ALS2: variants seen among roughly 807,000 people sequenced by gnomAD.
ALS2 encodes the protein alsin Rho guanine nucleotide exchange factor ALS2.
Under a neutral mutation model 203.4 loss-of-function variants are expected in ALS2, and 117 were observed. That is an observed-to-expected ratio of 0.58 (90% CI 0.50 to 0.67). ALS2 has a LOEUF of 0.67. Among genes scored for constraint, ALS2 ranks in the 30% least tolerant of loss-of-function variants. The pLI is 0.00. For synonymous variants in ALS2, 718 were observed against 725.9 expected, an observed-to-expected ratio of 0.99 and a Z score of 0.17; for missense variants, 1,715 against 1,989.4, an observed-to-expected ratio of 0.86 and a Z score of 2.62.
At position 201,727,795 on chromosome 2, in the gene ALS2, G is replaced by C. The variant is rs189282198; in HGVS notation, c.2842-20C>G. Reference sequence around the variant, plus strand: ...GGAGAACTGAAACAGAGAACACGGAGGCACTTTTATGAAAGCCCATGTAGA... The same window carrying C: ...GGAGAACTGAAACAGAGAACACGGACGCACTTTTATGAAAGCCCATGTAGA... On this transcript the variant is annotated intron_variant, in intron 15 of 33. Transcript: ENST00000264276. 1 of 1,551,050 alleles carries C rather than the reference G, an allele frequency of 6.4e-7. No homozygotes were observed. Among genetic ancestry groups the C allele is most frequent in the Admixed American group, 2.0e-5 (1 of 50,988 alleles).
intron 8 of ALS2, among the ~76,000 whole-genome samples, chr2:201,747,712 G>A (rs1692763011): frequency 6.6e-6 from 1 of 152,138 alleles, no homozygotes; most frequent in Admixed American, 6.5e-5. Context: ...GCCTCCCAAA[G>A]TGCTGGGATT....
intron 3 of ALS2, among the ~76,000 whole-genome samples, chr2:201,764,634 A>AAAATAAATAAATAAAT (rs201734315): frequency 1.8e-4 from 25 of 142,250 alleles, no homozygotes; most frequent in Non-Finnish European, 2.7e-4. Context: ...ACTCCGTCTC[A>AAAATAAATAAATAAAT]AAATAAATAA....
intron 4 of ALS2, chr2:201,760,598 GA>G: frequency 1.1e-5 from 13 of 1,215,550 alleles, no homozygotes; most frequent in East Asian, 3.9e-5. Context: ...TTTAGCCATA[GA>G]AAAAAAGTAC....
chr2:201,704,507 C>G lies in ALS2; in HGVS notation c.4785G>C (p.Leu1595Phe), dbSNP rs760849143. The change falls in exon 32 of 34, where the codon TTG (leucine) becomes TTC (phenylalanine). Residue 1595 changes from leucine to phenylalanine, a missense_variant. Around this residue, in one of 3 missense-constraint regions of ALS2, gnomAD observed 1,227 missense variants for 1,413.5 expected, o/e 0.87. Transcript: ENST00000264276. Reference protein sequence around the residue: ...SVLASLHEDFLWSMDDLFPVF... With the variant: ...SVLASLHEDFFWSMDDLFPVF... ...CAGGAAACAAGTCATCCATGGACCA[C>G]AAGAAGTCTTCGTGGAGTGACGCCA... 3 of 1,614,030 alleles carry G rather than the reference C, an allele frequency of 1.9e-6. No individual in the cohort carries two copies. The African/African-American group carries it at 4.0e-5, about 22-fold the overall frequency.
Position 201,710,013 on chromosome 2 carries a change from A to AAG in ALS2, c.4147_4148insCT (p.Leu1383ProfsTer15). On this transcript the variant is annotated frameshift_variant, in exon 27 of 34. Transcript: ENST00000264276. LOFTEE classifies it high-confidence loss of function. ...AACCAGTGTCTCCACAAGCCTGCCC[A>AAG]GGGGGTGCAGAGGAGTGTCACAGGC... 1 of 1,613,874 alleles carries AAG rather than the reference A, an allele frequency of 6.2e-7. No individual in the cohort carries two copies. The highest frequency in any genetic ancestry group is 2.2e-5 in the East Asian group (1 of 44,886).
chr2:201,708,186 C>T lies in ALS2; in HGVS notation c.4281-195G>A, dbSNP rs1218507107. Among the ~76,000 whole-genome samples the T allele has an allele frequency of 3.3e-5, 5 of 152,040 alleles. No individual in the cohort carries two copies. In the East Asian group the frequency reaches 5.8e-4, roughly 18 times the overall value. On this transcript the variant is annotated intron_variant, in intron 27 of 33. Transcript: ENST00000264276. ...GAATAATACCACTACAAAATCTTCA[C>T]GTGCTATGATTTTCTCCTGTCTAGT...
At chr2:201,729,384 A>G (rs998227812) in intron 13 of ALS2, among the ~76,000 whole-genome samples, 2 of 152,144 alleles carry the variant, frequency 1.3e-5, no homozygotes, top group Non-Finnish European at 2.9e-5. Flanking sequence ...TACATATGAA[A>G]TAGGGGCATA....
At position 201,723,066 on chromosome 2, in the gene ALS2, C is replaced by G; in HGVS notation, c.3679G>C (p.Asp1227His). The G allele has an allele frequency of 6.2e-7, 1 of 1,613,060 alleles. No individual in the cohort carries two copies. ...ACCTTTCCACTAAGAGTCCAGTCATCTGAAAATTCTCCTTCATAGATAGTA... is the reference window on the plus strand; with the variant it reads ...ACCTTTCCACTAAGAGTCCAGTCATGTGAAAATTCTCCTTCATAGATAGTA... The part of the protein sequence containing the change: ...DDTIYEGEFS[D>H]DWTLSGKGTL... The change falls in exon 23 of 34, where the codon GAT becomes CAT. Residue 1227 changes from aspartate (D) to histidine (H), a missense_variant. By Grantham distance (81) the Asp-to-His change is moderately conservative (BLOSUM62 -1). This residue lies in a region of ALS2 where 1,227 missense variants were observed against 1,413.5 expected (regional missense o/e 0.87). Coordinates refer to ENST00000264276, the MANE Select transcript of ALS2 (RefSeq NM_020919.4).
At chr2:201,770,924 GAAGAT>G (rs1334538504) in intron 1 of ALS2, among the ~76,000 whole-genome samples, 1 of 152,054 alleles carries the variant, frequency 6.6e-6, no homozygotes, top group Non-Finnish European at 1.5e-5. Context: ...CACAGAACTT[GAAGAT>G]AATATATTTA....
intron 1 of ALS2, among the ~76,000 whole-genome samples, chr2:201,773,526 G>T (rs755764413): frequency 6.6e-6 from 1 of 152,144 alleles, no homozygotes; most frequent in East Asian, 1.9e-4. Context: ...AGGGAGATAC[G>T]ATTCTGAAGC....
chr2:201,749,215 C>G (rs1160733561), intron 8 of ALS2, among the ~76,000 whole-genome samples: 1 of 89,604 alleles, frequency 1.1e-5, no homozygotes, highest in Non-Finnish European at 3.0e-5. Flanking sequence ...ATCCATCTAA[C>G]AGTAAAAAAA....
At chr2:201,773,453 T>A (rs1402460059) in intron 1 of ALS2, among the ~76,000 whole-genome samples, 1 of 152,130 alleles carries the variant, frequency 6.6e-6, no homozygotes, top group Non-Finnish European at 1.5e-5. Context: ...TCAGAAATGA[T>A]CCCTGGTTCT....
In ALS2 at chr2:201,726,790, C is replaced by G. The variant is rs770869321; in HGVS notation, c.3056G>C (p.Ser1019Thr). 11 of 1,614,172 alleles carry G rather than the reference C, an allele frequency of 6.8e-6. No homozygotes were observed. Among genetic ancestry groups the G allele is most frequent in the Non-Finnish European group, 9.3e-6 (11 of 1,180,008 alleles). The change falls in exon 18 of 34, where the codon AGT becomes ACT. Residue 1019 changes from serine (S) to threonine (T), a missense_variant. Coordinates refer to ENST00000264276, the MANE Select transcript of ALS2 (RefSeq NM_020919.4). The part of the protein sequence containing the change: ...RGMSDLPPYG[S>T]GSSVQRQEPP... ...TTCCTGTCTCTGAACACTGCTACCA[C>G]TTCCATAAGGGGGGAGATCAGACAT...
chr2:201,756,762 G>C (rs968902561), intron 5 of ALS2, among the ~76,000 whole-genome samples: 1 of 152,194 alleles, frequency 6.6e-6, no homozygotes, highest in African/African-American at 2.4e-5. Flanking sequence ...ACTTTAGTGT[G>C]CATACTAATC....
intron 25 of ALS2, among the ~76,000 whole-genome samples, chr2:201,711,812 C>T (rs1384381434): frequency 6.6e-6 from 1 of 151,684 alleles, no homozygotes. Context: ...TTTGTGGTAG[C>T]AACATAATTT....
intron 8 of ALS2, 134 bp from the exon 9 acceptor site, chr2:201,746,882 A>T: frequency 1.1e-6 from 1 of 952,064 alleles, no homozygotes; most frequent in Non-Finnish European, 1.7e-6. Flanking sequence ...AAACTTACCC[A>T]GCAATTTGCC....
chr2:201,754,496 C>T lies in ALS2; in HGVS notation c.1640+7G>A, dbSNP rs779234977. 9.3e-6 allele frequency: 15 copies of T among 1,613,854 alleles called. No homozygotes were observed. The highest frequency in any genetic ancestry group is 5.0e-5 in the Admixed American group (3 of 59,990). ...AACTTCTATCGGTAAATGTTGGTAG[C>T]GCTTACCTAGGCAGAACATCGCCGT... On this transcript the variant is annotated splice_region_variant and intron_variant, in intron 6 of 33. Transcript: ENST00000264276.
At chr2:201,732,007 A>T (rs953288484) in intron 13 of ALS2, among the ~76,000 whole-genome samples, 16 of 152,210 alleles carry the variant, frequency 1.1e-4, no homozygotes, top group African/African-American at 3.6e-4. Flanking sequence ...CAACAATTCT[A>T]AGCTGATCTG....
Position 201,727,732 on chromosome 2 carries a change from TC to T in ALS2, c.2884del (p.Glu962SerfsTer10). Reference protein sequence around the residue: ...HVFPLATLWAEPLSEEAGGVN... With the variant: ...HVFPLATLWAXPLSEEAGGVN... ...ACCACCAGCTTCTTCAGACAGTGGCTCTGCCCACAGCGTGGCCAGAGGGAAA... is the reference window on the plus strand; with the variant it reads ...ACCACCAGCTTCTTCAGACAGTGGCTTGCCCACAGCGTGGCCAGAGGGAAA... On this transcript the variant is annotated frameshift_variant, in exon 16 of 34. Coordinates refer to ENST00000264276, the MANE Select transcript of ALS2 (RefSeq NM_020919.4). LOFTEE classifies it high-confidence loss of function. 1 of 1,551,684 alleles carries T rather than the reference TC, an allele frequency of 6.4e-7. No individual in the cohort carries two copies. The highest frequency in any genetic ancestry group is 8.7e-7 in the Non-Finnish European group (1 of 1,147,008).
Sources: allele counts gnomAD v4.1 joint callset (sites outside exome capture counted in the v4.1 genomes callset), GRCh38; gene constraint gnomAD v4.1.1; regional missense constraint gnomAD v4.1.1; transcripts MANE v1.5; gene names NCBI Gene and HGNC (gene_info 2026-07-23, HGNC 2026-07-21).